Variants in CERS6 observed in about 807,000 individuals in gnomAD.
The protein encoded by CERS6 is LAG1 homolog, ceramide synthase 6.
Under a neutral mutation model 56.8 loss-of-function variants are expected in CERS6, and 26 were observed. The ratio of observed to expected loss-of-function variants is 0.46; its 90% CI spans 0.34 to 0.63. The LOEUF (loss-of-function observed/expected upper bound fraction) is 0.63, where lower values mean the gene tolerates loss of function less well. CERS6 is among the 30% of genes least tolerant of loss of function. CERS6 has a pLI of 0.01. For synonymous variants in CERS6, 164 were observed against 173.3 expected, an observed-to-expected ratio of 0.95 and a Z score of 0.42; for missense variants, 415 against 467.5, an observed-to-expected ratio of 0.89 and a Z score of 1.04.
intron 4 of CERS6, among the ~76,000 whole-genome samples, chr2:168,686,966 G>A (rs1469492052): frequency 6.6e-6 from 1 of 152,178 alleles, no homozygotes; most frequent in Admixed American, 6.5e-5. Context: ...AGCAGATCAG[G>A]GCTGGTGGGA....
intron 8 of CERS6, among the ~76,000 whole-genome samples, chr2:168,753,416 T>C (rs934452359): frequency 3.9e-5 from 6 of 152,262 alleles, no homozygotes; most frequent in Non-Finnish European, 7.3e-5. Context: ...TTTTCTTTCA[T>C]GCTTGTGAAG....
chr2:168,573,504 A>T (rs1696028603), intron 3 of CERS6, among the ~76,000 whole-genome samples: 2 of 152,192 alleles, frequency 1.3e-5, no homozygotes, highest in African/African-American at 4.8e-5. Context: ...TTTCAAAGGA[A>T]CAGTGTTTAT....
In CERS6 at chr2:168,715,066, C is replaced by T. The variant is rs770321860; in HGVS notation, c.675C>T (p.Asn225=). Residue 225 remains asparagine, a synonymous_variant, in exon 7 of 10, where the codon AAC becomes AAT. Coordinates refer to ENST00000305747, the MANE Select transcript of CERS6 (RefSeq NM_203463.3). ...TCTTGATTACCTTTTCATATGTCAA[C>T]AATATGGCCCGAGTAGGAACGCTGG... ...SIFLITFSYV[N]NMARVGTLVL... 2 of 1,612,620 alleles carry T rather than the reference C, an allele frequency of 1.2e-6. No individual in the cohort carries two copies. Among genetic ancestry groups the T allele is most frequent in the South Asian group, 2.2e-5 (2 of 90,828 alleles).
intron 1 of CERS6, among the ~76,000 whole-genome samples, chr2:168,547,021 T>C (rs924796457): frequency 6.6e-6 from 1 of 152,234 alleles, no homozygotes; most frequent in African/African-American, 2.4e-5. Context: ...TGGGACATCA[T>C]GCCCTTCGAC....
chr2:168,523,829 G>C (rs1183139978), intron 1 of CERS6, among the ~76,000 whole-genome samples: 2 of 152,310 alleles, frequency 1.3e-5, no homozygotes, highest in Non-Finnish European at 2.9e-5. Context: ...CCCTGGGTTT[G>C]TATAGCAGGT....
chr2:168,731,096 T>A (rs1683519398), intron 8 of CERS6, among the ~76,000 whole-genome samples: 2 of 152,174 alleles, frequency 1.3e-5, no homozygotes, highest in East Asian at 3.9e-4. Flanking sequence ...GTCTTTGTAA[T>A]TGATATATAA....
rs780283984 is a variant in CERS6, at chr2:168,565,603, G to A, written c.407+4281G>A. ...TTTCATCTTTCAGCAGTGTGGAATA[G>A]CACCAGTATGCAAGCCAAACTGTGC... On this transcript the variant is annotated intron_variant, in intron 3 of 9. Coordinates refer to ENST00000305747, the MANE Select transcript of CERS6 (RefSeq NM_203463.3). Among the ~76,000 whole-genome samples the A allele has an allele frequency of 1.2e-3, 179 of 152,190 alleles. 2 individuals are homozygous for A. The highest frequency in any genetic ancestry group is 2.4e-3 in the Admixed American group (37 of 15,276).
intron 4 of CERS6, among the ~76,000 whole-genome samples, chr2:168,659,880 G>A (rs1423388194): frequency 1.3e-5 from 2 of 152,072 alleles, no homozygotes; most frequent in African/African-American, 2.4e-5. Context: ...CATTTTCTTT[G>A]TAGGAAACAT....
rs1013260645 is a variant in CERS6 at position 168,754,936 on chromosome 2, C to T, written c.846-10656C>T. ...GACTACAGGCATGTGCTGTCACACC[C>T]GGCTAATTTTTACTTTTGTAGAGAC... On this transcript the variant is annotated intron_variant, in intron 8 of 9. Coordinates refer to ENST00000305747, the MANE Select transcript of CERS6 (RefSeq NM_203463.3). Among the ~76,000 whole-genome samples the T allele has an allele frequency of 5.9e-5, 9 of 152,174 alleles. No homozygotes were observed. The South Asian group carries it at 6.2e-4, about 11-fold the overall frequency.
chr2:168,766,458 T>A, intron 9 of CERS6: 1 of 924,552 alleles, frequency 1.1e-6, no homozygotes, highest in African/African-American at 1.6e-5. Flanking sequence ...CTATTGGCAC[T>A]GTCTAGAGGC....
intron 4 of CERS6, among the ~76,000 whole-genome samples, chr2:168,633,051 C>T (rs1390598307): frequency 5.3e-5 from 8 of 152,010 alleles, no homozygotes; most frequent in Admixed American, 4.6e-4. Flanking sequence ...TGAGTCTGCA[C>T]GAGGCAGTAA....
intron 3 of CERS6, among the ~76,000 whole-genome samples, chr2:168,571,260 G>A (rs1047943984): frequency 3.3e-5 from 5 of 151,804 alleles, no homozygotes; most frequent in South Asian, 2.1e-4. Flanking sequence ...GCTTGGAGCT[G>A]GAGTGTTTGA....
At chr2:168,632,902 A>G (rs1468827844) in intron 4 of CERS6, among the ~76,000 whole-genome samples, 3 of 152,096 alleles carry the variant, frequency 2.0e-5, no homozygotes, top group Non-Finnish European at 2.9e-5. Flanking sequence ...GGCCTGCTGG[A>G]TATAGCCTCT....
At chr2:168,499,929 A>G (rs559375012) in intron 1 of CERS6, among the ~76,000 whole-genome samples, 3 of 152,166 alleles carry the variant, frequency 2.0e-5, no homozygotes, top group Non-Finnish European at 2.9e-5. Flanking sequence ...ATTGGGCTGG[A>G]TGGAGAAGGG....
At chr2:168,744,474 G>A (rs1559077242) in intron 8 of CERS6, among the ~76,000 whole-genome samples, 1 of 151,910 alleles carries the variant, frequency 6.6e-6, no homozygotes, top group South Asian at 2.1e-4. Flanking sequence ...TCAGACCCTC[G>A]CTTCAAAAGA....
At chr2:168,645,686 C>T (rs771575999) in intron 4 of CERS6, among the ~76,000 whole-genome samples, 4 of 152,132 alleles carry the variant, frequency 2.6e-5, no homozygotes, top group Non-Finnish European at 5.9e-5. Context: ...CCTCTCCTTC[C>T]TCCCACCCAC....
intron 8 of CERS6, among the ~76,000 whole-genome samples, chr2:168,730,310 G>T (rs1443009589): frequency 6.6e-6 from 1 of 152,152 alleles, no homozygotes; most frequent in Non-Finnish European, 1.5e-5. Context: ...GGAAATACAA[G>T]CATCAAATGT....
intron 1 of CERS6, among the ~76,000 whole-genome samples, chr2:168,461,314 A>G (rs570392819): frequency 1.3e-5 from 2 of 152,098 alleles, no homozygotes; most frequent in Non-Finnish European, 2.9e-5. Flanking sequence ...TTTGCCAGAG[A>G]CTAGTGTGTG....
At chr2:168,564,238 A>G (rs929819933) in intron 3 of CERS6, among the ~76,000 whole-genome samples, 1 of 152,186 alleles carries the variant, frequency 6.6e-6, no homozygotes, top group Middle Eastern at 3.2e-3. Flanking sequence ...TGCGGGCTCC[A>G]ACTGGCAGTT....
Sources: allele counts gnomAD v4.1 joint callset (sites outside exome capture counted in the v4.1 genomes callset), GRCh38; gene constraint gnomAD v4.1.1; transcripts MANE v1.5; gene names NCBI Gene and HGNC (gene_info 2026-07-23, HGNC 2026-07-21).